GABRA2: variants seen among roughly 807,000 people sequenced by gnomAD.
The protein encoded by GABRA2 is gamma-aminobutyric acid type A receptor subunit alpha2.
In GABRA2, 16 loss-of-function variants were observed where a neutral mutation model predicts 48.7. The observed-to-expected ratio is 0.33, with a 90% CI of 0.22 to 0.50. GABRA2 has a LOEUF of 0.50. Among genes scored for constraint, GABRA2 ranks in the 20% least tolerant of loss-of-function variants. The probability of loss-of-function intolerance (pLI) is 0.98; values close to 1 mark genes in which losing one functional copy is unlikely to be tolerated. For synonymous variants in GABRA2, 185 were observed against 184.5 expected, an observed-to-expected ratio of 1.00 and a Z score of -0.02; for missense variants, 275 against 535.6, an observed-to-expected ratio of 0.51 and a Z score of 4.80.
intron 3 of GABRA2, among the ~76,000 whole-genome samples, chr4:46,347,058 G>A (rs963056597): frequency 2.0e-5 from 3 of 151,796 alleles, no homozygotes; most frequent in African/African-American, 7.2e-5. Context: ...AAAGATCAAT[G>A]AGAACTATAA....
At chr4:46,351,278 A>T (rs189916400) in intron 3 of GABRA2, among the ~76,000 whole-genome samples, 17 of 152,142 alleles carry the variant, frequency 1.1e-4, no homozygotes, top group African/African-American at 4.1e-4. Flanking sequence ...TCATAGAAGA[A>T]ATTTAACAAA....
At chr4:46,349,764 T>C (rs141309089) in intron 3 of GABRA2, among the ~76,000 whole-genome samples, 1 of 152,044 alleles carries the variant, frequency 6.6e-6, no homozygotes, top group Non-Finnish European at 1.5e-5. Context: ...ATCACTTTCT[T>C]CTTAAAAATA....
rs185844510 is a variant in GABRA2 at position 46,319,110 on chromosome 4, A to G, written c.256-6394T>C. ...TATATCCATAATTTGTCCTGGAAAC[A>G]AGGAAATCACTCTCTATAAACTATT... On this transcript the variant is annotated intron_variant, in intron 4 of 9. Transcript: ENST00000381620. Among the ~76,000 whole-genome samples, 89 of 151,910 alleles carry G rather than the reference A, an allele frequency of 5.9e-4. 1 individual carries two copies. The highest frequency in any genetic ancestry group is 2.0e-3 in the African/African-American group (82 of 41,540).
Position 46,250,343 on chromosome 4 carries a change from A to C in GABRA2, c.1321T>G (p.Leu441Val). ...TFNLVYWATY[L>V]NREPVLGVSP ...ACCCCTAATACAGGTTCTCTGTTTAAATATGTAGCCCAGTAAACTAAATTA... is the reference window on the plus strand; with the variant it reads ...ACCCCTAATACAGGTTCTCTGTTTACATATGTAGCCCAGTAAACTAAATTA... The change falls in exon 10 of 10, where the codon TTA becomes GTA. Residue 441 changes from leucine (L) to valine (V), a missense_variant. By Grantham distance (32) the Leu-to-Val change is conservative. Coordinates refer to ENST00000381620, the MANE Select transcript of GABRA2 (RefSeq NM_000807.4). The C allele has an allele frequency of 6.2e-7, 1 of 1,610,992 alleles. No homozygotes were observed. Among genetic ancestry groups the C allele is most frequent in the Non-Finnish European group, 8.5e-7 (1 of 1,178,122 alleles).
At chr4:46,303,982 C>T (rs1451421546) in intron 7 of GABRA2, among the ~76,000 whole-genome samples, 3 of 151,836 alleles carry the variant, frequency 2.0e-5, no homozygotes, top group African/African-American at 7.3e-5. Flanking sequence ...TAATGAGCAT[C>T]TCCTTTGAGC....
At chr4:46,304,696 G>A (rs911210620) in intron 7 of GABRA2, among the ~76,000 whole-genome samples, 4 of 151,880 alleles carry the variant, frequency 2.6e-5, no homozygotes, top group East Asian at 1.9e-4. Context: ...TTGGGAGGCC[G>A]AGGCAGGCTG....
At chr4:46,256,221 C>T in intron 9 of GABRA2, 1 of 686,190 alleles carries the variant, frequency 1.5e-6, no homozygotes, top group Non-Finnish European at 2.7e-6. Flanking sequence ...GTTAAACAGT[C>T]CATCCACTTC....
chr4:46,380,147 A>ATGAGC (rs1359238526), intron 3 of GABRA2, among the ~76,000 whole-genome samples: 1 of 152,186 alleles, frequency 6.6e-6, no homozygotes, highest in Admixed American at 6.5e-5. Flanking sequence ...ATATCATATA[A>ATGAGC]TGAGCTTTTA....
At chr4:46,350,491 G>GTA (rs962355546) in intron 3 of GABRA2, among the ~76,000 whole-genome samples, 10 of 151,428 alleles carry the variant, frequency 6.6e-5, no homozygotes, top group Admixed American at 5.3e-4. Flanking sequence ...ACATATATTT[G>GTA]TATATATATA....
chr4:46,305,474 AG>A, intron 7 of GABRA2, 93 bp downstream of exon 7: 1 of 1,174,926 alleles, frequency 8.5e-7, no homozygotes, highest in East Asian at 2.4e-5. Flanking sequence ...GGACCTCAAG[AG>A]CAAAAGATTT....
intron 7 of GABRA2, 70 bp downstream of exon 7, chr4:46,305,498 C>G: frequency 7.1e-7 from 1 of 1,399,820 alleles, no homozygotes; most frequent in Non-Finnish European, 9.8e-7. Flanking sequence ...AGCAATCTGA[C>G]ACACTTCCAA....
At position 46,389,901 on chromosome 4, in the gene GABRA2, C is replaced by G. The variant is rs533614265; in HGVS notation, c.-177G>C. The G allele has an allele frequency of 4.8e-4, 466 of 972,364 alleles. 1 individual carries two copies. In the African/African-American group the frequency reaches 8.3e-3, roughly 17 times the overall value. The allele number at this position is 972,364 out of a possible 1,614,324, so 60.2% of individuals were successfully genotyped here. A position where few individuals can be genotyped will look rare whatever the true frequency, so the allele number is the denominator to read the frequency against. Reference sequence around the variant, plus strand: ...AGCCAAGAGAGCGTGGAGCGATGGGCTGGTGGAAGCCGGAGAGGAGCGCTA... The same window carrying G: ...AGCCAAGAGAGCGTGGAGCGATGGGGTGGTGGAAGCCGGAGAGGAGCGCTA... On this transcript the variant is annotated 5_prime_UTR_variant, in exon 1 of 10. Transcript: ENST00000381620.
In GABRA2 at chr4:46,244,690, G is replaced by GA. The variant is rs1203973564; in HGVS notation, c.*5617dup. Among the ~76,000 whole-genome samples, 7 of 150,652 alleles carry GA rather than the reference G, an allele frequency of 4.6e-5. No homozygotes were observed. Among genetic ancestry groups the GA allele is most frequent in the Admixed American group, 6.6e-5 (1 of 15,068 alleles). On this transcript the variant is annotated 3_prime_UTR_variant, in exon 10 of 10. Coordinates refer to ENST00000381620, the MANE Select transcript of GABRA2 (RefSeq NM_000807.4). Reference sequence around the variant, plus strand: ...ACCACTAATAAAACTGGCAAAATTAGAAAAAAAAGGAAATGAAGGAAGTGC... The same window carrying GA: ...ACCACTAATAAAACTGGCAAAATTAGAAAAAAAAAGGAAATGAAGGAAGTGC...
intron 8 of GABRA2, among the ~76,000 whole-genome samples, chr4:46,295,948 C>T (rs1349556451): frequency 6.6e-6 from 1 of 152,186 alleles, no homozygotes; most frequent in African/African-American, 2.4e-5. Flanking sequence ...AAAGCACTCA[C>T]TTTATGGCTA....
At chr4:46,293,074 G>A (rs892733453) in intron 8 of GABRA2, among the ~76,000 whole-genome samples, 3 of 152,126 alleles carry the variant, frequency 2.0e-5, no homozygotes, top group South Asian at 2.1e-4. Flanking sequence ...AATCTGAATC[G>A]TGTAGAGCTC....
chr4:46,277,939 C>G lies in GABRA2; in HGVS notation c.857-15811G>C, dbSNP rs1318740974. Among the ~76,000 whole-genome samples the G allele has an allele frequency of 3.3e-5, 5 of 152,134 alleles. No homozygotes were observed. The East Asian group carries it at 9.6e-4, about 29-fold the overall frequency. On this transcript the variant is annotated intron_variant, in intron 8 of 9. Transcript: ENST00000381620. ...GCATATATACATATGCAAATTCATA[C>G]ATGTATTTTTGTGTATGTAATCTAT...
chr4:46,254,114 C>G (rs930075807), intron 9 of GABRA2, among the ~76,000 whole-genome samples: 3 of 151,218 alleles, frequency 2.0e-5, no homozygotes, highest in Middle Eastern at 3.4e-3. Flanking sequence ...ATATCCATAC[C>G]CTAGCTAAAT....
chr4:46,316,701 G>T (rs778847390), intron 4 of GABRA2, among the ~76,000 whole-genome samples: 1 of 151,896 alleles, frequency 6.6e-6, no homozygotes, highest in Non-Finnish European at 1.5e-5. Flanking sequence ...GTGCAATCAC[G>T]AGGATTTCTC....
chr4:46,255,176 T>C (rs183418822), intron 9 of GABRA2, among the ~76,000 whole-genome samples: 2 of 151,644 alleles, frequency 1.3e-5, no homozygotes, highest in African/African-American at 4.8e-5. Context: ...GTTCCTAGCA[T>C]AGTTCCTGGC....
Sources: gnomAD v4.1 joint callset for allele counts (sites outside exome capture counted in the v4.1 genomes callset) on GRCh38, gnomAD v4.1.1 for gene constraint, MANE v1.5 for transcripts, NCBI Gene and HGNC (gene_info 2026-07-23, HGNC 2026-07-21) for gene names.